CBLN2: variants seen among roughly 807,000 people sequenced by gnomAD.
CBLN2 encodes the protein cerebellin 2 precursor.
Under a neutral mutation model 15.0 loss-of-function variants are expected in CBLN2, and 7 were observed. The observed-to-expected ratio is 0.47, with a 90% confidence interval of 0.27 to 0.88. CBLN2 has a LOEUF of 0.88. Ranked by LOEUF, CBLN2 falls within the 40% of genes least tolerant of loss-of-function variation. The pLI is 0.14. For missense variants in CBLN2, 242 were observed against 304.5 expected (o/e 0.79, Z 1.53); for synonymous variants, 149 against 135.2 (o/e 1.10, Z -0.71).
intron 1 of CBLN2, among the ~76,000 whole-genome samples, chr18:72,631,811 G>T (rs941437706): frequency 1.3e-5 from 2 of 152,014 alleles, no homozygotes; most frequent in African/African-American, 4.8e-5. Flanking sequence ...CAAACACTCA[G>T]GAAATACAGT....
intron 1 of CBLN2, among the ~76,000 whole-genome samples, chr18:72,571,657 C>T (rs527555666): frequency 2.0e-5 from 3 of 152,084 alleles, no homozygotes; most frequent in African/African-American, 7.2e-5. Flanking sequence ...CTGTCCGTGG[C>T]GATTCAGTAG....
intron 1 of CBLN2, among the ~76,000 whole-genome samples, chr18:72,589,190 G>A (rs2069462445): frequency 6.6e-6 from 1 of 152,112 alleles, no homozygotes; most frequent in Admixed American, 6.5e-5. Flanking sequence ...CAGAGAAAGA[G>A]CATTTAAGTA....
intron 1 of CBLN2, among the ~76,000 whole-genome samples, chr18:72,602,597 G>A (rs958753029): frequency 8.5e-5 from 13 of 152,092 alleles, no homozygotes; most frequent in African/African-American, 1.7e-4. Context: ...GGGTGCCGCC[G>A]TGAAGGTGTT....
intron 1 of CBLN2, among the ~76,000 whole-genome samples, chr18:72,570,555 A>C (rs532523918): frequency 6.6e-6 from 1 of 152,118 alleles, no homozygotes; most frequent in South Asian, 2.1e-4. Flanking sequence ...GCCAGCCAAC[A>C]GCATTGTAAC....
chr18:72,579,521 A>C (rs2069389313), intron 1 of CBLN2, among the ~76,000 whole-genome samples: 1 of 152,078 alleles, frequency 6.6e-6, no homozygotes, highest in Non-Finnish European at 1.5e-5. Context: ...TCACAAGGTC[A>C]GGGGTTGGAG....
At chr18:72,571,046 T>C (rs1040254928) in intron 1 of CBLN2, among the ~76,000 whole-genome samples, 1 of 152,134 alleles carries the variant, frequency 6.6e-6, no homozygotes, top group Non-Finnish European at 1.5e-5. Context: ...TATGTTTATA[T>C]ATTATGTATG....
At chr18:72,566,599 A>T (rs2069296647) in intron 1 of CBLN2, among the ~76,000 whole-genome samples, 1 of 152,144 alleles carries the variant, frequency 6.6e-6, no homozygotes, top group African/African-American at 2.4e-5. Context: ...GGAATCTAAA[A>T]AGGTCGATCT....
chr18:72,627,593 C>T (rs1278551807), intron 1 of CBLN2, among the ~76,000 whole-genome samples: 1 of 152,186 alleles, frequency 6.6e-6, no homozygotes, highest in Non-Finnish European at 1.5e-5. Context: ...TTGTAACAAT[C>T]ATCTGGGCCA....
intron 1 of CBLN2, among the ~76,000 whole-genome samples, chr18:72,602,198 A>G (rs1015629917): frequency 6.6e-6 from 1 of 152,176 alleles, no homozygotes; most frequent in Non-Finnish European, 1.5e-5. Flanking sequence ...TTGTGGAAAC[A>G]CTATTCATTT....
intron 1 of CBLN2, among the ~76,000 whole-genome samples, chr18:72,573,541 T>A (rs1488080415): frequency 6.6e-6 from 1 of 152,202 alleles, no homozygotes; most frequent in Non-Finnish European, 1.5e-5. Context: ...CATATGTATG[T>A]AACAGTATGT....
chr18:72,588,408 A>G (rs2069457033), intron 1 of CBLN2, among the ~76,000 whole-genome samples: 1 of 152,238 alleles, frequency 6.6e-6, no homozygotes, highest in Non-Finnish European at 1.5e-5. Context: ...GAAATTGACC[A>G]TCTTAAAGTG....
At chr18:72,621,948 G>A (rs1365028643) in intron 1 of CBLN2, among the ~76,000 whole-genome samples, 3 of 152,142 alleles carry the variant, frequency 2.0e-5, no homozygotes, top group Admixed American at 6.6e-5. Context: ...ACCCAAGATC[G>A]AGTGGAACAC....
intron 1 of CBLN2, among the ~76,000 whole-genome samples, chr18:72,581,675 T>C (rs1244895228): frequency 6.6e-6 from 1 of 152,218 alleles, no homozygotes; most frequent in Non-Finnish European, 1.5e-5. Context: ...GAATAACATC[T>C]TTTCCCCTCT....
chr18:72,631,473 T>G (rs2069776129), intron 1 of CBLN2, among the ~76,000 whole-genome samples: 1 of 152,146 alleles, frequency 6.6e-6, no homozygotes, highest in Non-Finnish European at 1.5e-5. Flanking sequence ...TAATCTCAAC[T>G]TATAAAATTA....
intron 1 of CBLN2, among the ~76,000 whole-genome samples, chr18:72,595,863 T>A (rs1278514742): frequency 6.6e-6 from 1 of 152,156 alleles, no homozygotes; most frequent in Non-Finnish European, 1.5e-5. Flanking sequence ...TAAGTTTCAG[T>A]TGGCATGGAA....
rs1015382765 is a variant in CBLN2 at position 72,543,687 on chromosome 18, G to A, written c.-211-157C>T. On this transcript the variant is annotated intron_variant, in intron 1 of 4. Transcript: ENST00000269503. The surrounding 1 kb of genome is among the most constrained non-coding windows in gnomAD (Gnocchi z 6.8). ...GGGGTGCACCACGCCCCGCGCGCCC[G>A]CTTAGGCGCCGCGCCCGGGACCGGG... 1.2e-4 allele frequency: 41 copies of A among 353,320 alleles called. No individual in the cohort carries two copies. Among genetic ancestry groups the A allele is most frequent in the Middle Eastern group, 1.5e-3 (2 of 1,314 alleles). The allele number at this position is 353,320 out of a possible 1,614,324, so 21.9% of individuals were successfully genotyped here. A position where few individuals can be genotyped will look rare whatever the true frequency, so the allele number is the denominator to read the frequency against.
intron 1 of CBLN2, among the ~76,000 whole-genome samples, chr18:72,560,209 C>T (rs534591093): frequency 8.5e-5 from 13 of 152,278 alleles, no homozygotes; most frequent in East Asian, 5.8e-4. Flanking sequence ...AGAGGGAGGG[C>T]GCAGGATGGC....
At chr18:72,593,105 T>C (rs1266911828) in intron 1 of CBLN2, among the ~76,000 whole-genome samples, 1 of 152,190 alleles carries the variant, frequency 6.6e-6, no homozygotes, top group Non-Finnish European at 1.5e-5. Context: ...ACAATATTGA[T>C]TATTGCAATT....
intron 1 of CBLN2, among the ~76,000 whole-genome samples, chr18:72,589,735 T>C (rs2144928577): frequency 6.6e-6 from 1 of 152,322 alleles, no homozygotes; most frequent in South Asian, 2.1e-4. Flanking sequence ...GGAAACCATG[T>C]CTGAGAAAAT....
Sources: allele counts gnomAD v4.1 joint callset (sites outside exome capture counted in the v4.1 genomes callset), GRCh38; gene constraint gnomAD v4.1.1; non-coding constraint Gnocchi (gnomAD v3.1); transcripts MANE v1.5; gene names NCBI Gene and HGNC (gene_info 2026-07-23, HGNC 2026-07-21).